NOMO1: variants seen among roughly 807,000 people sequenced by gnomAD.
NOMO1 encodes nodal modulator 3.
A neutral mutation model predicts 133.8 loss-of-function variants in NOMO1; 40 were observed. The ratio of observed to expected loss-of-function variants is 0.30; its 90% CI spans 0.23 to 0.39. The LOEUF is 0.39. Among genes scored for constraint, NOMO1 ranks in the 10% least tolerant of loss-of-function variants. NOMO1 has a pLI of 1.00. For missense variants in NOMO1, 462 were observed against 1,419.9 expected (o/e 0.33, Z 10.84); for synonymous variants, 236 against 570.5 (o/e 0.41, Z 8.36).
chr16:14,856,315 C>G (rs2606828), intron 9 of NOMO1, among the ~76,000 whole-genome samples: 2 of 151,644 alleles, frequency 1.3e-5, no homozygotes, highest in African/African-American at 4.9e-5. Context: ...GAGAAAGCAC[C>G]GGTGTGCTGC....
intron 11 of NOMO1, among the ~76,000 whole-genome samples, chr16:14,857,856 A>G (rs1333240208): frequency 1.1e-5 from 1 of 91,430 alleles, no homozygotes; most frequent in Non-Finnish European, 2.2e-5. Context: ...ACTCACTGCA[A>G]CCTCTGCCTC....
At chr16:14,840,729 A>G (rs1963593662) in intron 2 of NOMO1, among the ~76,000 whole-genome samples, 2 of 148,080 alleles carry the variant, frequency 1.4e-5, no homozygotes, top group Non-Finnish European at 3.0e-5. Context: ...GGGCACAATT[A>G]TGGTTCACTG....
At chr16:14,882,889 T>C (rs1166867130) in intron 26 of NOMO1, among the ~76,000 whole-genome samples, 1 of 152,056 alleles carries the variant, frequency 6.6e-6, no homozygotes, top group African/African-American at 2.4e-5. Context: ...GAAAGGAAAT[T>C]GGAACTGTTG....
intron 1 of NOMO1, among the ~76,000 whole-genome samples, chr16:14,838,097 G>A (rs1210901824): frequency 1.3e-5 from 2 of 150,890 alleles, no homozygotes; most frequent in African/African-American, 4.9e-5. Context: ...GGCAAAGTTT[G>A]CAAATTTGTT....
In NOMO1 at chr16:14,866,552, C is replaced by G; in HGVS notation, c.1670-3C>G. On this transcript the variant is annotated splice_polypyrimidine_tract_variant and splice_region_variant and intron_variant, in intron 14 of 30. Coordinates refer to ENST00000287667, the MANE Select transcript of NOMO1 (RefSeq NM_014287.4). Reference sequence around the variant, plus strand: ...TATCCGTTTTTGGTGTTTGCTTTTGCAGTAAGCATCATGCATGAGGATTGG... The same window carrying G: ...TATCCGTTTTTGGTGTTTGCTTTTGGAGTAAGCATCATGCATGAGGATTGG... 6.2e-7 allele frequency: 1 copy of G among 1,610,110 alleles called. No homozygotes were observed.
At chr16:14,856,679 T>C (rs1451002778) in intron 9 of NOMO1, among the ~76,000 whole-genome samples, 1 of 151,980 alleles carries the variant, frequency 6.6e-6, no homozygotes, top group Non-Finnish European at 1.5e-5. Flanking sequence ...CCCAAAGTGC[T>C]GGGATTACAG....
In NOMO1 at chr16:14,877,858, A is replaced by G. The variant is rs530903326; in HGVS notation, c.2644-863A>G. Among the ~76,000 whole-genome samples, 165 of 143,288 alleles carry G rather than the reference A, an allele frequency of 1.2e-3. 1 individual carries two copies. Among genetic ancestry groups the G allele is most frequent in the African/African-American group, 4.2e-3 (163 of 38,466 alleles). The allele number at this position is 143,288 out of a possible 152,430, so 94.0% of individuals were successfully genotyped here. A position where few individuals can be genotyped will look rare whatever the true frequency, so the allele number is the denominator to read the frequency against. On this transcript the variant is annotated intron_variant, in intron 22 of 30. Coordinates refer to ENST00000287667, the MANE Select transcript of NOMO1 (RefSeq NM_014287.4). ...AATTAGATAGTATCTTTCTGAATTT[A>G]AAGTGCATGTATCCAACAATTCTAC...
At chr16:14,892,395 C>T (rs1322508047) in intron 29 of NOMO1, among the ~76,000 whole-genome samples, 1 of 151,612 alleles carries the variant, frequency 6.6e-6, no homozygotes, top group East Asian at 1.9e-4. Context: ...CCCTAGCAGA[C>T]AACTCATCCG....
intron 27 of NOMO1, 108 bp from the exon 28 acceptor site, chr16:14,886,653 T>C (rs1964328178): frequency 6.3e-7 from 1 of 1,586,576 alleles, no homozygotes; most frequent in Admixed American, 1.7e-5. Context: ...CAAATATCCA[T>C]GTTTCCAAAG....
chr16:14,838,866 G>C (rs889146256), intron 2 of NOMO1, among the ~76,000 whole-genome samples: 1 of 150,818 alleles, frequency 6.6e-6, no homozygotes, highest in Non-Finnish European at 1.5e-5. Context: ...CATGGAACCC[G>C]TTACTTGCAA....
intron 3 of NOMO1, among the ~76,000 whole-genome samples, chr16:14,842,917 T>G (rs1212772796): frequency 6.6e-6 from 1 of 150,882 alleles, no homozygotes; most frequent in East Asian, 1.9e-4. Flanking sequence ...TATAAAATAT[T>G]TATATTTTAT....
At chr16:14,855,473 A>G (rs761377169) in intron 9 of NOMO1, among the ~76,000 whole-genome samples, 20 of 151,656 alleles carry the variant, frequency 1.3e-4, no homozygotes, top group Non-Finnish European at 2.1e-4. Flanking sequence ...CTTTCTTTTA[A>G]TATTACATTT....
chr16:14,836,952 G>T (rs180798933), intron 1 of NOMO1, among the ~76,000 whole-genome samples: 1 of 151,580 alleles, frequency 6.6e-6, no homozygotes, highest in Non-Finnish European at 1.5e-5. Context: ...TGATCCACCC[G>T]CCTCGGCCTC....
intron 20 of NOMO1, among the ~76,000 whole-genome samples, chr16:14,875,830 C>CT (rs2079575709): frequency 6.6e-6 from 1 of 151,464 alleles, no homozygotes; most frequent in African/African-American, 2.4e-5. Context: ...ATGGGAGGGT[C>CT]TTTTTTTGGG....
In NOMO1 at chr16:14,876,352, C is replaced by T; in HGVS notation, c.2357-7C>T. The T allele has an allele frequency of 6.2e-7, 1 of 1,610,946 alleles. No homozygotes were observed. Among genetic ancestry groups the T allele is most frequent in the Non-Finnish European group, 8.5e-7 (1 of 1,179,630 alleles). On this transcript the variant is annotated splice_polypyrimidine_tract_variant and splice_region_variant and intron_variant, in intron 20 of 30. Transcript: ENST00000287667. The stretch of plus-strand genomic sequence containing the variant: ...CCCATCCTTGTGTTTATTTCTTCCC[C>T]TCTTAGAAAGCTGCCCAGGGAAGCT...
At chr16:14,891,404 A>T (rs1964403558) in intron 29 of NOMO1, among the ~76,000 whole-genome samples, 1 of 151,226 alleles carries the variant, frequency 6.6e-6, no homozygotes, top group African/African-American at 2.4e-5. Context: ...TTATCTTTTC[A>T]CTTGGTTTCT....
chr16:14,879,967 G>T, intron 23 of NOMO1, 48 bp from the exon 24 acceptor site: 1 of 1,611,478 alleles, frequency 6.2e-7, no homozygotes, highest in South Asian at 1.1e-5. Flanking sequence ...TCACTTTTAA[G>T]CCATGCCTAG....
In NOMO1 at chr16:14,857,042, G is replaced by T. The variant is rs150655491; in HGVS notation, c.964-175G>T. 7.3e-3 allele frequency among the ~76,000 whole-genome samples: 1,105 copies of T among 152,172 alleles called. 17 individuals carry two copies. The highest frequency in any genetic ancestry group is 0.024 in the African/African-American group (995 of 41,462). On this transcript the variant is annotated intron_variant, in intron 9 of 30. Coordinates refer to ENST00000287667, the MANE Select transcript of NOMO1 (RefSeq NM_014287.4). ...TGTTGGGAACACAACAGAGAAGACAGATGTGGGTAAAGTGAGAGGGAGCCT... is the reference window on the plus strand; with the variant it reads ...TGTTGGGAACACAACAGAGAAGACATATGTGGGTAAAGTGAGAGGGAGCCT...
intron 22 of NOMO1, among the ~76,000 whole-genome samples, chr16:14,877,713 C>T (rs1156945592): frequency 6.7e-6 from 1 of 149,488 alleles, no homozygotes; most frequent in African/African-American, 2.5e-5. Context: ...AGTCGAAACA[C>T]TGTTTTGCAG....
Sources: allele counts gnomAD v4.1 joint callset (sites outside exome capture counted in the v4.1 genomes callset), GRCh38; gene constraint gnomAD v4.1.1; transcripts MANE v1.5; gene names NCBI Gene and HGNC (gene_info 2026-07-23, HGNC 2026-07-21).